Variants in SLIT3 observed in about 807,000 individuals in gnomAD.
The protein encoded by SLIT3 is slit guidance ligand 3, also known as slit homolog 3 protein.
Under a neutral mutation model 184.0 loss-of-function variants are expected in SLIT3, and 68 were observed. The ratio of observed to expected loss-of-function variants is 0.37; its 90% CI spans 0.30 to 0.45. SLIT3 has a LOEUF of 0.45. SLIT3 is among the 20% of genes least tolerant of loss of function. The pLI is 1.00. For synonymous variants in SLIT3, 831 were observed against 828.6 expected, an observed-to-expected ratio of 1.00 and a Z score of -0.05; for missense variants, 1,707 against 2,026.0, an observed-to-expected ratio of 0.84 and a Z score of 3.02.
At chr5:169,160,783 C>CA (rs1033992369) in intron 4 of SLIT3, among the ~76,000 whole-genome samples, 2 of 152,162 alleles carry the variant, frequency 1.3e-5, no homozygotes, top group African/African-American at 4.8e-5. Context: ...CCAAAGATGT[C>CA]AAACAGGCCA....
intron 4 of SLIT3, among the ~76,000 whole-genome samples, chr5:168,904,628 C>T (rs1561997880): frequency 1.3e-5 from 2 of 152,164 alleles, no homozygotes; most frequent in Non-Finnish European, 2.9e-5. Flanking sequence ...CTGCAAAATG[C>T]TAATTCCAGC....
intron 4 of SLIT3, among the ~76,000 whole-genome samples, chr5:169,046,929 T>C (rs757485654): frequency 1.3e-5 from 2 of 152,120 alleles, no homozygotes; most frequent in Non-Finnish European, 2.9e-5. Context: ...AAAACACCAT[T>C]TGCTTTCTAT....
At chr5:169,284,391 C>T (rs183968553) in intron 1 of SLIT3, among the ~76,000 whole-genome samples, 1 of 152,306 alleles carries the variant, frequency 6.6e-6, no homozygotes, top group East Asian at 1.9e-4. Context: ...GCAGACACTA[C>T]CATGCAGAAA....
At chr5:169,005,549 A>G (rs953273867) in intron 4 of SLIT3, among the ~76,000 whole-genome samples, 4 of 152,332 alleles carry the variant, frequency 2.6e-5, no homozygotes, top group East Asian at 1.9e-4. Flanking sequence ...GAATGGAGAC[A>G]ATACATTCAA....
At chr5:168,871,988 C>T (rs1016821118) in intron 5 of SLIT3, among the ~76,000 whole-genome samples, 5 of 152,146 alleles carry the variant, frequency 3.3e-5, no homozygotes, top group Admixed American at 1.3e-4. Context: ...GGTCTTTGGA[C>T]CACTGGTCTT....
At chr5:168,778,989 AAG>A (rs1248856139) in intron 12 of SLIT3, among the ~76,000 whole-genome samples, 1 of 152,190 alleles carries the variant, frequency 6.6e-6, no homozygotes, top group African/African-American at 2.4e-5. Context: ...TATAAATGAA[AAG>A]AGAGGGAAGG....
chr5:168,793,804 G>A (rs537505221), intron 10 of SLIT3, among the ~76,000 whole-genome samples: 22 of 152,132 alleles, frequency 1.4e-4, no homozygotes, highest in East Asian at 3.9e-4. Context: ...ATGAATTGGG[G>A]GGGGGGATGC....
At chr5:168,918,933 G>A (rs1397181922) in intron 4 of SLIT3, among the ~76,000 whole-genome samples, 3 of 152,066 alleles carry the variant, frequency 2.0e-5, no homozygotes, top group Non-Finnish European at 4.4e-5. Context: ...AAATGTTCAT[G>A]CCCTTTGCCC....
intron 6 of SLIT3, among the ~76,000 whole-genome samples, chr5:168,831,388 G>C (rs912150130): frequency 6.6e-6 from 1 of 152,084 alleles, no homozygotes; most frequent in African/African-American, 2.4e-5. Context: ...GGACTATCCT[G>C]GGTGCTGCAT....
At chr5:169,169,771 G>C (rs13359494) in intron 4 of SLIT3, among the ~76,000 whole-genome samples, 3 of 152,188 alleles carry the variant, frequency 2.0e-5, no homozygotes, top group Non-Finnish European at 4.4e-5. Context: ...ACAGAAACAC[G>C]ACCTGACTGA....
At chr5:168,723,582 A>G (rs925095790) in intron 21 of SLIT3, among the ~76,000 whole-genome samples, 5 of 152,160 alleles carry the variant, frequency 3.3e-5, no homozygotes, top group African/African-American at 1.2e-4. Flanking sequence ...TCCCCTGATT[A>G]ATTCTTTTCA....
rs1475991957 is a variant in SLIT3, at chr5:168,671,182, C to T, written c.4127+16G>A. On this transcript the variant is annotated intron_variant, in intron 34 of 35. Coordinates refer to ENST00000519560, the MANE Select transcript of SLIT3 (RefSeq NM_003062.4). Reference sequence around the variant, plus strand: ...TGGGAGCTCGAGCACACAGCCAGGGCTCCTGGGACACTGACCTGTGGCCGA... The same window carrying T: ...TGGGAGCTCGAGCACACAGCCAGGGTTCCTGGGACACTGACCTGTGGCCGA... 3.1e-6 allele frequency: 5 copies of T among 1,598,878 alleles called. No individual in the cohort carries two copies. Among genetic ancestry groups the T allele is most frequent in the African/African-American group, 1.3e-5 (1 of 74,674 alleles).
At chr5:169,123,206 C>T (rs1760947432) in intron 4 of SLIT3, among the ~76,000 whole-genome samples, 1 of 152,064 alleles carries the variant, frequency 6.6e-6, no homozygotes, top group African/African-American at 2.4e-5. Context: ...TGTAAAGAAT[C>T]TCTATCAGAG....
At chr5:168,775,728 C>T (rs566457452) in intron 12 of SLIT3, among the ~76,000 whole-genome samples, 14 of 152,264 alleles carry the variant, frequency 9.2e-5, no homozygotes, top group Non-Finnish European at 1.5e-4. Flanking sequence ...TTCTCTAAGG[C>T]GGCACCCATC....
At chr5:169,088,320 G>T (rs923129948) in intron 4 of SLIT3, among the ~76,000 whole-genome samples, 1 of 152,040 alleles carries the variant, frequency 6.6e-6, no homozygotes, top group Admixed American at 6.5e-5. Flanking sequence ...TATTACAAAG[G>T]GTCCATCATC....
chr5:169,292,056 G>A (rs971672985), intron 1 of SLIT3, among the ~76,000 whole-genome samples: 3 of 152,124 alleles, frequency 2.0e-5, no homozygotes, highest in Non-Finnish European at 2.9e-5. Flanking sequence ...AGAGGCTTGG[G>A]GACCCTGTAG....
chr5:169,210,042 C>A (rs1162657619), intron 3 of SLIT3, among the ~76,000 whole-genome samples: 2 of 152,188 alleles, frequency 1.3e-5, no homozygotes, highest in African/African-American at 4.8e-5. Context: ...AAGGAACTTG[C>A]AATCTAGCAG....
chr5:168,883,514 T>C (rs560854557), intron 4 of SLIT3, among the ~76,000 whole-genome samples, 178 bp from the exon 5 acceptor site: 71 of 152,346 alleles, frequency 4.7e-4, no homozygotes, highest in Non-Finnish European at 5.9e-4. Flanking sequence ...CTTCAAGTGA[T>C]GGCCGTTGCT....
intron 26 of SLIT3, among the ~76,000 whole-genome samples, chr5:168,705,993 G>T (rs1263407297): frequency 1.3e-5 from 2 of 152,184 alleles, no homozygotes; most frequent in Non-Finnish European, 1.5e-5. Flanking sequence ...TGATTCAAAA[G>T]AGAACTATAC....
Sources: allele counts gnomAD v4.1 joint callset (sites outside exome capture counted in the v4.1 genomes callset), GRCh38; gene constraint gnomAD v4.1.1; transcripts MANE v1.5; gene names NCBI Gene and HGNC (gene_info 2026-07-23, HGNC 2026-07-21).